LRP1B: variants seen among roughly 807,000 people sequenced by gnomAD.
LRP1B encodes the protein LDL receptor related protein 1B.
LRP1B carries 217 observed loss-of-function variants against 556.6 expected under a neutral mutation model. The ratio of observed to expected loss-of-function variants is 0.39; its 90% confidence interval spans 0.35 to 0.44. The LOEUF (loss-of-function observed/expected upper bound fraction) is 0.44, where lower values mean the gene tolerates loss of function less well. Ranked by LOEUF, LRP1B falls within the 20% of genes least tolerant of loss-of-function variation. LRP1B has a pLI of 1.00. For synonymous variants in LRP1B, 2,047 were observed against 1,865.8 expected (o/e 1.10, Z -2.50); for missense variants, 5,053 against 5,620.8 (o/e 0.90, Z 3.23).
chr2:140,379,869 T>C (rs901723284), intron 67 of LRP1B, among the ~76,000 whole-genome samples: 1 of 152,162 alleles, frequency 6.6e-6, no homozygotes, highest in African/African-American at 2.4e-5. Flanking sequence ...TGCCCTTAAG[T>C]GGATAATCTT....
chr2:141,365,314 C>A (rs551445802), intron 3 of LRP1B, among the ~76,000 whole-genome samples: 1 of 152,112 alleles, frequency 6.6e-6, no homozygotes, highest in Non-Finnish European at 1.5e-5. Flanking sequence ...CCTCCCACTT[C>A]GGCCTCCCAA....
At chr2:140,569,013 G>C (rs1475667201) in intron 43 of LRP1B, among the ~76,000 whole-genome samples, 1 of 151,870 alleles carries the variant, frequency 6.6e-6, no homozygotes, top group Non-Finnish European at 1.5e-5. Context: ...AGAAGCAAAA[G>C]GATAATCTAC....
intron 7 of LRP1B, among the ~76,000 whole-genome samples, chr2:141,126,820 C>A (rs1399373178): frequency 6.6e-6 from 1 of 152,110 alleles, no homozygotes; most frequent in Non-Finnish European, 1.5e-5. Context: ...GTACCTCAAT[C>A]CAACAAGCCT....
intron 60 of LRP1B, among the ~76,000 whole-genome samples, chr2:140,469,671 A>G (rs954032035): frequency 2.6e-5 from 4 of 152,210 alleles, no homozygotes; most frequent in African/African-American, 9.6e-5. Context: ...GATTTCAGGT[A>G]TGGATTCAAC....
chr2:141,246,724 G>A (rs528272979), intron 5 of LRP1B, among the ~76,000 whole-genome samples: 1 of 152,254 alleles, frequency 6.6e-6, no homozygotes, highest in South Asian at 2.1e-4. Flanking sequence ...CAGCACTTTG[G>A]GAGGCCTTGG....
intron 2 of LRP1B, among the ~76,000 whole-genome samples, chr2:141,556,034 C>T (rs1227128580): frequency 1.3e-5 from 2 of 151,736 alleles, no homozygotes; most frequent in Admixed American, 1.3e-4. Flanking sequence ...ATAGCCTAAT[C>T]CATGTATTTA....
At chr2:141,609,294 G>A (rs1053361659) in intron 2 of LRP1B, among the ~76,000 whole-genome samples, 13 of 152,296 alleles carry the variant, frequency 8.5e-5, no homozygotes, top group Non-Finnish European at 1.6e-4. Context: ...TTTTAAGACA[G>A]TAATGTGAGG....
At chr2:141,994,814 T>A (rs963102907) in intron 1 of LRP1B, among the ~76,000 whole-genome samples, 8 of 152,054 alleles carry the variant, frequency 5.3e-5, no homozygotes, top group Non-Finnish European at 1.0e-4. Context: ...TTCTTATCTT[T>A]ACCATCTTAT....
intron 41 of LRP1B, among the ~76,000 whole-genome samples, chr2:140,685,906 A>G (rs1300203126): frequency 6.6e-6 from 1 of 152,166 alleles, no homozygotes; most frequent in Non-Finnish European, 1.5e-5. Flanking sequence ...GGCAGCAAAT[A>G]AGGAAGTGAT....
chr2:140,667,331 GC>G (rs1685314155), intron 41 of LRP1B, among the ~76,000 whole-genome samples: 1 of 152,128 alleles, frequency 6.6e-6, no homozygotes. Context: ...GAGACATCAG[GC>G]AATAGAGTTG....
At chr2:142,092,650 G>T (rs920006403) in intron 1 of LRP1B, among the ~76,000 whole-genome samples, 3 of 150,958 alleles carry the variant, frequency 2.0e-5, no homozygotes, top group African/African-American at 4.9e-5. Flanking sequence ...GTGTGTGTGT[G>T]TTTTTGTATG....
intron 3 of LRP1B, among the ~76,000 whole-genome samples, chr2:141,337,578 A>G (rs1011390578): frequency 2.0e-4 from 30 of 152,300 alleles, no homozygotes; most frequent in African/African-American, 7.0e-4. Context: ...GCAAAATTCA[A>G]TGTATTTAGT....
At chr2:141,165,505 G>T (rs1327314904) in intron 7 of LRP1B, among the ~76,000 whole-genome samples, 1 of 151,888 alleles carries the variant, frequency 6.6e-6, no homozygotes, top group Non-Finnish European at 1.5e-5. Context: ...TCATTTATTA[G>T]ATTTATATTT....
rs1386205421 is a variant in LRP1B at position 141,031,268 on chromosome 2, C to CAG, written c.1790-11167_1790-11166insCT. On this transcript the variant is annotated intron_variant, in intron 11 of 90. Transcript: ENST00000389484. ...TATACATATCACACACACACACACA[C>CAG]ACACACACACACATACATACATATA... 1.3e-4 allele frequency among the ~76,000 whole-genome samples: 12 copies of CAG among 95,518 alleles called. 1 individual carries two copies. Among genetic ancestry groups the CAG allele is most frequent in the African/African-American group, 1.7e-4 (5 of 28,588 alleles). The allele number at this position is 95,518 out of a possible 152,430, so 62.7% of individuals were successfully genotyped here. A position where few individuals can be genotyped will look rare whatever the true frequency, so the allele number is the denominator to read the frequency against.
chr2:140,314,568 C>T, intron 83 of LRP1B, among the ~76,000 whole-genome samples: 1 of 151,960 alleles, frequency 6.6e-6, no homozygotes, highest in East Asian at 1.9e-4. Flanking sequence ...TTTTCAATAA[C>T]AATTGATTTT....
chr2:140,942,342 G>A (rs1418304516), intron 20 of LRP1B, among the ~76,000 whole-genome samples: 1 of 152,098 alleles, frequency 6.6e-6, no homozygotes, highest in Non-Finnish European at 1.5e-5. Context: ...GAGACAGGAA[G>A]ATTAAGCAAC....
intron 86 of LRP1B, among the ~76,000 whole-genome samples, chr2:140,255,803 TATCA>T (rs1681648128): frequency 1.3e-5 from 2 of 152,198 alleles, no homozygotes; most frequent in South Asian, 2.1e-4. Context: ...TTCACCTAAT[TATCA>T]ATCAGTCATT....
chr2:142,072,422 C>T (rs973142596), intron 1 of LRP1B, among the ~76,000 whole-genome samples: 6 of 151,950 alleles, frequency 3.9e-5, no homozygotes, highest in Non-Finnish European at 8.8e-5. Context: ...TTCTCAAGGA[C>T]TAAGTCTAGT....
At chr2:141,727,394 C>T (rs1165944539) in intron 2 of LRP1B, among the ~76,000 whole-genome samples, 1 of 152,136 alleles carries the variant, frequency 6.6e-6, no homozygotes, top group Non-Finnish European at 1.5e-5. Context: ...ATTTCTATAA[C>T]TTTTCACACT....
Sources: gnomAD v4.1 joint callset for allele counts (sites outside exome capture counted in the v4.1 genomes callset) on GRCh38, gnomAD v4.1.1 for gene constraint, MANE v1.5 for transcripts, NCBI Gene and HGNC (gene_info 2026-07-23, HGNC 2026-07-21) for gene names.